Variants in NET1 observed in about 807,000 individuals in gnomAD.
NET1 encodes neuroepithelial cell transforming 1, also known as neuroepithelial cell-transforming gene 1 protein.
A neutral mutation model predicts 61.1 loss-of-function variants in NET1; 42 were observed. The ratio of observed to expected loss-of-function variants is 0.69; its 90% confidence interval spans 0.54 to 0.89. The LOEUF is 0.89. NET1 is among the 40% of genes least tolerant of loss of function. The pLI is 0.00. For synonymous variants in NET1, 254 were observed against 281.8 expected (o/e 0.90, Z 0.99); for missense variants, 654 against 747.3 (o/e 0.88, Z 1.46).
Position 5,435,276 on chromosome 10 carries a change from C to A in NET1, c.255+6047C>A, listed in dbSNP as rs1026690260. 3.3e-5 allele frequency among the ~76,000 whole-genome samples: 5 copies of A among 152,068 alleles called. No individual in the cohort carries two copies. Among genetic ancestry groups the A allele is most frequent in the South Asian group, 4.2e-4 (2 of 4,812 alleles). On this transcript the variant is annotated intron_variant, in intron 3 of 11. Coordinates refer to ENST00000355029, the MANE Select transcript of NET1 (RefSeq NM_001047160.3). This position sits in a 1 kb window ranked among gnomAD's most constrained non-coding sequence, Gnocchi z 5.0. ...TTTTTCTTTTTATTTTTTAAAGATA[C>A]CAGGTGATTCTCATGTATAGCTAGA...
In NET1 at chr10:5,446,770, T is replaced by C; in HGVS notation, c.256-5060T>C. ...TTGAGGGAGTACTTGGGAAGCATGG[T>C]GGCACATGATGAGACTGGAGGTCTC... On this transcript the variant is annotated intron_variant, in intron 3 of 11. Coordinates refer to ENST00000355029, the MANE Select transcript of NET1 (RefSeq NM_001047160.3). The surrounding 1 kb of genome is among the most constrained non-coding windows in gnomAD (Gnocchi z 5.0). 1 of 1,602,308 alleles carries C rather than the reference T, an allele frequency of 6.2e-7. No individual in the cohort carries two copies. The highest frequency in any genetic ancestry group is 8.5e-7 in the Non-Finnish European group (1 of 1,173,124).
At position 5,412,639 on chromosome 10, in the gene NET1, G is replaced by A. The variant is rs1406779516; in HGVS notation, c.-54G>A. On this transcript the variant is annotated 5_prime_UTR_variant, in exon 1 of 12. Transcript: ENST00000355029. This position sits in a 1 kb window ranked among gnomAD's most constrained non-coding sequence, Gnocchi z 6.5. ...GCAGAGGCTGGCGGGCATCGTGCCC[G>A]TCCCTGCCGGTCTCCCGGGCACCCG... 7 of 1,436,884 alleles carry A rather than the reference G, an allele frequency of 4.9e-6. No individual in the cohort carries two copies. Among genetic ancestry groups the A allele is most frequent in the African/African-American group, 3.0e-5 (2 of 66,230 alleles). 89.0% of individuals were successfully genotyped at this position (1,436,884 alleles called of 1,614,324 possible).
In NET1 at chr10:5,456,570, T is replaced by A; in HGVS notation, c.1385-18T>A. The stretch of plus-strand genomic sequence containing the variant: ...TTTTTAGCCTGATTTCTTTTTTTTT[T>A]CCAATTTTTTTTTTCAGCTAAAAAT... On this transcript the variant is annotated intron_variant, in intron 11 of 11. Coordinates refer to ENST00000355029, the MANE Select transcript of NET1 (RefSeq NM_001047160.3). The surrounding 1 kb of genome is among the most constrained non-coding windows in gnomAD (Gnocchi z 7.0). 6.6e-7 allele frequency: 1 copy of A among 1,514,936 alleles called. No homozygotes were observed. Among genetic ancestry groups the A allele is most frequent in the East Asian group, 2.3e-5 (1 of 43,686 alleles). 93.8% of individuals were successfully genotyped at this position (1,514,936 alleles called of 1,614,324 possible).
chr10:5,445,330 G>C (rs1832590084), intron 3 of NET1, among the ~76,000 whole-genome samples: 1 of 152,156 alleles, frequency 6.6e-6, no homozygotes, highest in South Asian at 2.1e-4. Flanking sequence ...ACTACCTGAA[G>C]TGGTTTCTCT....
rs1832697425 is a variant in NET1, at chr10:5,451,200, G to A, written c.256-630G>A. Among the ~76,000 whole-genome samples, 1 of 152,120 alleles carries A rather than the reference G, an allele frequency of 6.6e-6. No homozygotes were observed. Among genetic ancestry groups the A allele is most frequent in the African/African-American group, 2.4e-5 (1 of 41,428 alleles). On this transcript the variant is annotated intron_variant, in intron 3 of 11. Transcript: ENST00000355029. The surrounding 1 kb of genome is among the most constrained non-coding windows in gnomAD (Gnocchi z 6.1). Reference sequence around the variant, plus strand: ...GTGTGCCCTAGCAAGTGGTAGAGCCGGGATTTGTGCCCAGTCAGATTTCAG... The same window carrying A: ...GTGTGCCCTAGCAAGTGGTAGAGCCAGGATTTGTGCCCAGTCAGATTTCAG...
In NET1 at chr10:5,412,627, G is replaced by T; in HGVS notation, c.-66G>T. ...GCTTTCTGCCTGGCAGAGGCTGGCGGGCATCGTGCCCGTCCCTGCCGGTCT... is the reference window on the plus strand; with the variant it reads ...GCTTTCTGCCTGGCAGAGGCTGGCGTGCATCGTGCCCGTCCCTGCCGGTCT... On this transcript the variant is annotated 5_prime_UTR_variant, in exon 1 of 12. Transcript: ENST00000355029. This position sits in a 1 kb window ranked among gnomAD's most constrained non-coding sequence, Gnocchi z 6.5. 1 of 1,421,980 alleles carries T rather than the reference G, an allele frequency of 7.0e-7. No homozygotes were observed. The highest frequency in any genetic ancestry group is 1.4e-5 in the South Asian group (1 of 69,116). The allele number at this position is 1,421,980 out of a possible 1,614,324, so 88.1% of individuals were successfully genotyped here. A position where few individuals can be genotyped will look rare whatever the true frequency, so the allele number is the denominator to read the frequency against.
chr10:5,452,248 G>T lies in NET1; in HGVS notation c.364-110G>T, dbSNP rs898911016. Reference sequence around the variant, plus strand: ...TGGATAAATTATTGTTTTCTGCATTGAGAAATTCTCAGAACTTTGTCTTTC... The same window carrying T: ...TGGATAAATTATTGTTTTCTGCATTTAGAAATTCTCAGAACTTTGTCTTTC... On this transcript the variant is annotated intron_variant, in intron 4 of 11. Transcript: ENST00000355029. The surrounding 1 kb of genome is among the most constrained non-coding windows in gnomAD (Gnocchi z 4.0). 3 of 999,218 alleles carry T rather than the reference G, an allele frequency of 3.0e-6. No homozygotes were observed. Among genetic ancestry groups the T allele is most frequent in the African/African-American group, 1.6e-5 (1 of 60,968 alleles). The allele number at this position is 999,218 out of a possible 1,614,324, so 61.9% of individuals were successfully genotyped here.
chr10:5,451,958 G>A lies in NET1; in HGVS notation c.363+21G>A. 1 of 1,574,786 alleles carries A rather than the reference G, an allele frequency of 6.4e-7. No homozygotes were observed. The highest frequency in any genetic ancestry group is 8.7e-7 in the Non-Finnish European group (1 of 1,145,630). ...TACAGGTAAAAAGAGAGGAGGAAGA[G>A]TAATGTAGTCAGCGGACTTTATAGA... On this transcript the variant is annotated intron_variant, in intron 4 of 11. Transcript: ENST00000355029. The surrounding 1 kb of genome is among the most constrained non-coding windows in gnomAD (Gnocchi z 6.1).
At position 5,412,836 on chromosome 10, in the gene NET1, G is replaced by C. The variant is rs1486237623; in HGVS notation, c.128+16G>C. On this transcript the variant is annotated intron_variant, in intron 1 of 11. Coordinates refer to ENST00000355029, the MANE Select transcript of NET1 (RefSeq NM_001047160.3). This position sits in a 1 kb window ranked among gnomAD's most constrained non-coding sequence, Gnocchi z 6.5. ...TGGACGGGAGGTGAGTGTGGGGGAG[G>C]GGAGGGCCGAACGGGAGGTGAGTGT... The C allele has an allele frequency of 2.2e-6, 3 of 1,388,014 alleles. No individual in the cohort carries two copies. The highest frequency in any genetic ancestry group is 3.7e-5 in the Admixed American group (1 of 27,342). The allele number at this position is 1,388,014 out of a possible 1,614,324, so 86.0% of individuals were successfully genotyped here. A position where few individuals can be genotyped will look rare whatever the true frequency, so the allele number is the denominator to read the frequency against.
rs1254556207 is a variant in NET1, at chr10:5,444,296, C to A, written c.256-7534C>A. 1.3e-5 allele frequency among the ~76,000 whole-genome samples: 2 copies of A among 152,164 alleles called. No individual in the cohort carries two copies. The highest frequency in any genetic ancestry group is 2.9e-5 in the Non-Finnish European group (2 of 68,020). On this transcript the variant is annotated intron_variant, in intron 3 of 11. Transcript: ENST00000355029. The surrounding 1 kb of genome is among the most constrained non-coding windows in gnomAD (Gnocchi z 5.3). ...AGAAAGATGAATTATTACCACATCT[C>A]GTGTATAAAACACACATAGCTACAG...
intron 3 of NET1, among the ~76,000 whole-genome samples, chr10:5,430,438 G>T (rs530370640): frequency 1.3e-5 from 2 of 150,302 alleles, no homozygotes; most frequent in Non-Finnish European, 2.9e-5. Context: ...GCAGTGGTGC[G>T]ATCTCGGCCC....
Position 5,449,236 on chromosome 10 carries a change from A to G in NET1, c.256-2594A>G, listed in dbSNP as rs1481215810. Among the ~76,000 whole-genome samples the G allele has an allele frequency of 6.6e-6, 1 of 152,196 alleles. No homozygotes were observed. The highest frequency in any genetic ancestry group is 1.5e-5 in the Non-Finnish European group (1 of 68,042). ...TTAAAATTGTTCATACTTTTAAAATATATATACTAAAAGTTTGTTTTGTAT... is the reference window on the plus strand; with the variant it reads ...TTAAAATTGTTCATACTTTTAAAATGTATATACTAAAAGTTTGTTTTGTAT... On this transcript the variant is annotated intron_variant, in intron 3 of 11. Coordinates refer to ENST00000355029, the MANE Select transcript of NET1 (RefSeq NM_001047160.3). This position sits in a 1 kb window ranked among gnomAD's most constrained non-coding sequence, Gnocchi z 4.4.
At position 5,451,275 on chromosome 10, in the gene NET1, A is replaced by G. The variant is rs181567524; in HGVS notation, c.256-555A>G. 0.014 allele frequency among the ~76,000 whole-genome samples: 2,171 copies of G among 152,274 alleles called. 58 individuals carry two copies. Among genetic ancestry groups the G allele is most frequent in the African/African-American group, 0.049 (2,049 of 41,542 alleles). On this transcript the variant is annotated intron_variant, in intron 3 of 11. Coordinates refer to ENST00000355029, the MANE Select transcript of NET1 (RefSeq NM_001047160.3). This position sits in a 1 kb window ranked among gnomAD's most constrained non-coding sequence, Gnocchi z 6.1. ...CCCTGCCTTGGCTTCAATATTTTTC[A>G]GCCCATTCCAGTGTCAGACATGTTG... is the stretch of plus-strand genomic sequence containing the variant.
chr10:5,420,973 T>G lies in NET1; in HGVS notation c.129-5682T>G, dbSNP rs541865348. On this transcript the variant is annotated intron_variant, in intron 1 of 11. Transcript: ENST00000355029. The surrounding 1 kb of genome is among the most constrained non-coding windows in gnomAD (Gnocchi z 5.3). ...ACGAGGACTGCTTTTCTGGCCTAGT[T>G]TTTTTGATACCAAGTCTGTTCTGGC... 6.6e-6 allele frequency among the ~76,000 whole-genome samples: 1 copy of G among 152,334 alleles called. No homozygotes were observed. Among genetic ancestry groups the G allele is most frequent in the East Asian group, 1.9e-4 (1 of 5,186 alleles).
At position 5,451,767 on chromosome 10, in the gene NET1, C is replaced by T; in HGVS notation, c.256-63C>T. On this transcript the variant is annotated intron_variant, in intron 3 of 11. Coordinates refer to ENST00000355029, the MANE Select transcript of NET1 (RefSeq NM_001047160.3). The surrounding 1 kb of genome is among the most constrained non-coding windows in gnomAD (Gnocchi z 6.1). ...TTTTGTGAGAGGGCTTTACTTTGTC[C>T]AAGTTTGTATGAAATCATTGCACCT... 7.5e-7 allele frequency: 1 copy of T among 1,332,700 alleles called. No individual in the cohort carries two copies. The allele number at this position is 1,332,700 out of a possible 1,614,324, so 82.6% of individuals were successfully genotyped here. A position where few individuals can be genotyped will look rare whatever the true frequency, so the allele number is the denominator to read the frequency against.
intron 3 of NET1, among the ~76,000 whole-genome samples, chr10:5,434,248 T>G (rs1036113816): frequency 1.3e-5 from 2 of 152,234 alleles, no homozygotes; most frequent in African/African-American, 4.8e-5. Flanking sequence ...GTTTCATCCT[T>G]TCTGAGATCT....
rs1168991358 is a variant in NET1 at position 5,447,442 on chromosome 10, ATTAC to A, written c.256-4385_256-4382del. Among the ~76,000 whole-genome samples the A allele has an allele frequency of 6.6e-6, 1 of 152,200 alleles. No individual in the cohort carries two copies. Among genetic ancestry groups the A allele is most frequent in the Non-Finnish European group, 1.5e-5 (1 of 68,030 alleles). ...ATGAACATTTATCAATATAAATCAA[ATTAC>A]TTTATGCCATTTTATGTAATCTTGA... On this transcript the variant is annotated intron_variant, in intron 3 of 11. Transcript: ENST00000355029. The surrounding 1 kb of genome is among the most constrained non-coding windows in gnomAD (Gnocchi z 4.1).
At chr10:5,418,330 G>T (rs1000309619) in intron 1 of NET1, among the ~76,000 whole-genome samples, 1 of 151,962 alleles carries the variant, frequency 6.6e-6, no homozygotes, top group African/African-American at 2.4e-5. Flanking sequence ...CTCATCTCTT[G>T]TTGTAGGTGT....
rs963407525 is a variant in NET1 at position 5,457,702 on chromosome 10, A to ATGTG, written c.*714_*717dup. 2 of 152,012 alleles carry ATGTG rather than the reference A, an allele frequency of 1.3e-5. No individual in the cohort carries two copies. The allele number at this position is 152,012 out of a possible 1,614,324, so 9.4% of individuals were successfully genotyped here. A position where few individuals can be genotyped will look rare whatever the true frequency, so the allele number is the denominator to read the frequency against. ...AAAGTATTTTTCTTCCTGATTAAAA[A>ATGTG]TGTGTGTGTATGTGTGTGTGTGTGT... On this transcript the variant is annotated 3_prime_UTR_variant, in exon 12 of 12. Transcript: ENST00000355029. This position sits in a 1 kb window ranked among gnomAD's most constrained non-coding sequence, Gnocchi z 5.4.
Sources: gnomAD v4.1 joint callset for allele counts (sites outside exome capture counted in the v4.1 genomes callset) on GRCh38, gnomAD v4.1.1 for gene constraint, Gnocchi (gnomAD v3.1) non-coding constraint, MANE v1.5 for transcripts, NCBI Gene and HGNC (gene_info 2026-07-23, HGNC 2026-07-21) for gene names.